The following MECOM variants were observed in gnomAD, a reference collection of about 807,000 sequenced individuals.
MECOM encodes histone-lysine N-methyltransferase MECOM.
A neutral mutation model predicts 116.3 loss-of-function variants in MECOM; 13 were observed. The observed-to-expected ratio is 0.11, with a 90% CI of 0.07 to 0.18. The LOEUF (loss-of-function observed/expected upper bound fraction) is 0.18, where lower values mean the gene tolerates loss of function less well. Ranked by LOEUF, MECOM falls within the 10% of genes least tolerant of loss-of-function variation. The pLI, the probability that MECOM is intolerant of heterozygous loss-of-function variation, is 1.00. For missense variants in MECOM, 1,299 were observed against 1,509.0 expected (o/e 0.86, Z 2.31); for synonymous variants, 528 against 535.2 (o/e 0.99, Z 0.19).
chr3:169,473,408 T>G (rs1749859358), intron 1 of MECOM, among the ~76,000 whole-genome samples: 1 of 152,168 alleles, frequency 6.6e-6, no homozygotes, highest in Non-Finnish European at 1.5e-5. Context: ...GCAACACGAT[T>G]TTGAGAACAT....
intron 2 of MECOM, among the ~76,000 whole-genome samples, chr3:169,168,930 A>G (rs191058118): frequency 9.2e-4 from 140 of 152,066 alleles, no homozygotes; most frequent in Non-Finnish European, 1.6e-3. Context: ...GAAAATTTAG[A>G]TAAAAATAGA....
intron 2 of MECOM, among the ~76,000 whole-genome samples, chr3:169,242,838 A>G (rs1577446216): frequency 6.8e-6 from 1 of 147,672 alleles, no homozygotes; most frequent in Admixed American, 6.8e-5. Context: ...TATTGGTTAC[A>G]TTCATTAGAC....
At chr3:169,352,903 T>C (rs1726602693) in intron 2 of MECOM, among the ~76,000 whole-genome samples, 1 of 151,926 alleles carries the variant, frequency 6.6e-6, no homozygotes, top group African/African-American at 2.4e-5. Context: ...AAGTACACAA[T>C]CTTATCTCTC....
intron 13 of MECOM, 51 bp from the exon 14 acceptor site, chr3:169,093,153 A>G (rs754343838): frequency 2.6e-6 from 4 of 1,526,760 alleles, no homozygotes. Flanking sequence ...TTATCTAGCA[A>G]CTTATTTGGA....
At chr3:169,251,614 G>A (rs1357028043) in intron 2 of MECOM, among the ~76,000 whole-genome samples, 1 of 152,150 alleles carries the variant, frequency 6.6e-6, no homozygotes, top group African/African-American at 2.4e-5. Context: ...GTGTAACCCA[G>A]TGGGAGAGGA....
intron 2 of MECOM, among the ~76,000 whole-genome samples, chr3:169,181,675 G>C (rs115247527): frequency 1.4e-3 from 215 of 152,302 alleles, no homozygotes; most frequent in African/African-American, 5.1e-3. Flanking sequence ...ATGTGTCATA[G>C]AAATAGGGTT....
chr3:169,389,559 T>C (rs1232672691), intron 1 of MECOM: 2 of 985,328 alleles, frequency 2.0e-6, no homozygotes, highest in Non-Finnish European at 2.4e-6. Context: ...CAACCTCTGA[T>C]GGACCTGATG....
intron 1 of MECOM, among the ~76,000 whole-genome samples, chr3:169,509,772 T>C (rs9815003): frequency 0.46 from 70,439 of 152,150 alleles, 17,536 homozygotes; most frequent in African/African-American, 0.65. Context: ...AATGGGCATT[T>C]AGGTTGTTTG....
At chr3:169,315,916 A>G (rs1719664369) in intron 2 of MECOM, among the ~76,000 whole-genome samples, 1 of 152,210 alleles carries the variant, frequency 6.6e-6, no homozygotes, top group African/African-American at 2.4e-5. Flanking sequence ...AAATTGCCTA[A>G]CACAGGTAAA....
chr3:169,196,442 A>G (rs765464835), intron 2 of MECOM, among the ~76,000 whole-genome samples: 2 of 152,020 alleles, frequency 1.3e-5, no homozygotes. Flanking sequence ...AAAATACTTC[A>G]CAATTTTCAT....
At chr3:169,284,571 G>GCA (rs113527440) in intron 2 of MECOM, among the ~76,000 whole-genome samples, 6,852 of 146,834 alleles carry the variant, frequency 0.047, 258 homozygotes, top group East Asian at 0.14. Context: ...GTATATGAGC[G>GCA]CACACACACA....
chr3:169,442,713 C>A (rs1743938239), intron 1 of MECOM, among the ~76,000 whole-genome samples: 1 of 152,152 alleles, frequency 6.6e-6, no homozygotes, highest in Non-Finnish European at 1.5e-5. Context: ...GAGGCTATTG[C>A]AGATGAAGGC....
chr3:169,280,123 G>A (rs937708671), intron 2 of MECOM, among the ~76,000 whole-genome samples: 1 of 152,204 alleles, frequency 6.6e-6, no homozygotes, highest in African/African-American at 2.4e-5. Context: ...GGCAAGAAGG[G>A]AAAGAAATGT....
At chr3:169,594,307 A>C (rs1766863758) in intron 1 of MECOM, among the ~76,000 whole-genome samples, 1 of 152,074 alleles carries the variant, frequency 6.6e-6, no homozygotes, top group Non-Finnish European at 1.5e-5. Flanking sequence ...ACCTATTCTC[A>C]ATTTTCTATG....
intron 1 of MECOM, among the ~76,000 whole-genome samples, chr3:169,418,271 A>C (rs112632657): frequency 0.032 from 4,815 of 152,106 alleles, 185 homozygotes; most frequent in African/African-American, 0.089. Context: ...GCTACCAACC[A>C]AAAAAAGCCC....
chr3:169,460,562 T>A lies in MECOM; in HGVS notation c.38-79038A>T, dbSNP rs531530334. 4.6e-5 allele frequency among the ~76,000 whole-genome samples: 7 copies of A among 152,280 alleles called. No individual in the cohort carries two copies. In the South Asian group the frequency reaches 1.5e-3, roughly 32 times the overall value. ...GCAATTAAATACATTTCAAGGAAAATAAATCTATTTGTATGAATGTTCTAA... is the reference window on the plus strand; with the variant it reads ...GCAATTAAATACATTTCAAGGAAAAAAAATCTATTTGTATGAATGTTCTAA... On this transcript the variant is annotated intron_variant, in intron 1 of 16. Transcript: ENST00000651503.
rs186082750 is a variant in MECOM at position 169,132,310 on chromosome 3, C to G, written c.511-779G>C. On this transcript the variant is annotated intron_variant, in intron 3 of 16. Coordinates refer to ENST00000651503, the MANE Select transcript of MECOM (RefSeq NM_004991.4). ...GAGCAAGTGTGGAAAGAACCCTGACCTGAAATTTCCAAGAGCCACTGCCTT... is the reference window on the plus strand; with the variant it reads ...GAGCAAGTGTGGAAAGAACCCTGACGTGAAATTTCCAAGAGCCACTGCCTT... Among the ~76,000 whole-genome samples, 538 of 152,282 alleles carry G rather than the reference C, an allele frequency of 3.5e-3. 4 individuals carry two copies. Among genetic ancestry groups the G allele is most frequent in the African/African-American group, 0.012 (501 of 41,548 alleles).
intron 2 of MECOM, among the ~76,000 whole-genome samples, chr3:169,207,789 C>T (rs1394678614): frequency 1.3e-5 from 2 of 152,112 alleles, no homozygotes; most frequent in Non-Finnish European, 1.5e-5. Context: ...CATCAAATGC[C>T]ACCTTGTTGT....
intron 1 of MECOM, among the ~76,000 whole-genome samples, chr3:169,594,593 T>G (rs928941778): frequency 6.6e-6 from 1 of 151,622 alleles, no homozygotes; most frequent in Admixed American, 6.6e-5. Context: ...GGAGTTTCCA[T>G]TAGTCCTTCT....
Sources: gnomAD v4.1 joint callset for allele counts (sites outside exome capture counted in the v4.1 genomes callset) on GRCh38, gnomAD v4.1.1 for gene constraint, MANE v1.5 for transcripts, NCBI Gene and HGNC (gene_info 2026-07-23, HGNC 2026-07-21) for gene names.